Variants in EMP2 observed in about 807,000 individuals in gnomAD.
The protein encoded by EMP2 is epithelial membrane protein 2.
Under a neutral mutation model 13.7 loss-of-function variants are expected in EMP2, and 19 were observed. The observed-to-expected ratio is 1.38, with a 90% CI of 0.97 to 2.03. EMP2 has a LOEUF of 2.03. Among genes scored for constraint, EMP2 ranks in the 30% most tolerant of loss-of-function variants. The pLI is 0.00. For synonymous variants in EMP2, 97 were observed against 84.7 expected (o/e 1.15, Z -0.80); for missense variants, 253 against 220.7 (o/e 1.15, Z -0.93).
At chr16:10,536,590 G>A (rs1316461955) in intron 4 of EMP2, among the ~76,000 whole-genome samples, 1 of 152,190 alleles carries the variant, frequency 6.6e-6, no homozygotes, top group African/African-American at 2.4e-5. Flanking sequence ...ATGTGGAACT[G>A]TAAGTCCATT....
intron 1 of EMP2, among the ~76,000 whole-genome samples, chr16:10,551,228 G>A (rs747030352): frequency 2.0e-5 from 3 of 151,860 alleles, no homozygotes; most frequent in Admixed American, 6.6e-5. Flanking sequence ...ATTTCATATC[G>A]TTGGAATCAT....
intron 1 of EMP2, among the ~76,000 whole-genome samples, chr16:10,549,320 G>A (rs1160018593): frequency 1.3e-5 from 2 of 152,206 alleles, no homozygotes; most frequent in Non-Finnish European, 2.9e-5. Context: ...AAAAGCCACT[G>A]AGGGCATGAA....
chr16:10,574,484 C>A (rs990527047), intron 1 of EMP2, among the ~76,000 whole-genome samples: 1 of 152,174 alleles, frequency 6.6e-6, no homozygotes, highest in African/African-American at 2.4e-5. Context: ...ACACTCAGCA[C>A]TGAAGACAAA....
chr16:10,557,678 T>C (rs2142195314), intron 1 of EMP2, among the ~76,000 whole-genome samples: 1 of 152,274 alleles, frequency 6.6e-6, no homozygotes, highest in East Asian at 1.9e-4. Flanking sequence ...CCAACCTTGA[T>C]TTGATGCATT....
At chr16:10,569,078 G>C (rs989598549) in intron 1 of EMP2, among the ~76,000 whole-genome samples, 6 of 151,984 alleles carry the variant, frequency 3.9e-5, no homozygotes, top group African/African-American at 1.2e-4. Flanking sequence ...GTGAGCCACC[G>C]CGCCCAGCTG....
At chr16:10,540,814 T>C (rs1440770793) in intron 3 of EMP2, among the ~76,000 whole-genome samples, 3 of 152,176 alleles carry the variant, frequency 2.0e-5, no homozygotes, top group Non-Finnish European at 2.9e-5. Context: ...TGTGACATTC[T>C]CTTTAACATA....
intron 1 of EMP2, among the ~76,000 whole-genome samples, chr16:10,560,106 C>T (rs2050861203): frequency 6.6e-6 from 1 of 152,168 alleles, no homozygotes; most frequent in Admixed American, 6.5e-5. Context: ...ATTATCTAGC[C>T]CACTTAAATC....
chr16:10,551,828 C>G (rs1308652150), intron 1 of EMP2, among the ~76,000 whole-genome samples: 1 of 152,182 alleles, frequency 6.6e-6, no homozygotes, highest in Non-Finnish European at 1.5e-5. Context: ...TCCAACCATG[C>G]TCATTCTCAT....
At chr16:10,541,075 G>A (rs1264205722) in intron 3 of EMP2, among the ~76,000 whole-genome samples, 8 of 151,160 alleles carry the variant, frequency 5.3e-5, no homozygotes, top group Non-Finnish European at 7.4e-5. Context: ...GTGACAAAGC[G>A]AGACCCTGAT....
intron 1 of EMP2, among the ~76,000 whole-genome samples, chr16:10,572,424 G>A (rs957167171): frequency 6.6e-6 from 1 of 151,616 alleles, no homozygotes. Flanking sequence ...TCCAGCCTGG[G>A]TGACCCAGCG....
intron 1 of EMP2, among the ~76,000 whole-genome samples, chr16:10,556,533 T>C (rs879937899): frequency 2.0e-5 from 3 of 152,136 alleles, no homozygotes; most frequent in Non-Finnish European, 4.4e-5. Flanking sequence ...CTTCTAACTG[T>C]GGGCAGGACA....
chr16:10,563,141 T>C (rs970259132), intron 1 of EMP2, among the ~76,000 whole-genome samples: 1 of 152,120 alleles, frequency 6.6e-6, no homozygotes, highest in Non-Finnish European at 1.5e-5. Flanking sequence ...TTTCAAGTAA[T>C]CCCCAGGCCC....
Position 10,529,548 on chromosome 16 carries a change from A to T in EMP2, c.*3357T>A, listed in dbSNP as rs190386511. On this transcript the variant is annotated 3_prime_UTR_variant, in exon 5 of 5. Transcript: ENST00000359543. ...CAACACAGATACTCATGTAGCCCCG[A>T]CGTTTCTTGTGAAGGGAATTGATGT... The T allele has an allele frequency of 5.3e-5, 8 of 152,276 alleles. No homozygotes were observed. The highest frequency in any genetic ancestry group is 1.9e-4 in the African/African-American group (8 of 41,560). The allele number at this position is 152,276 out of a possible 1,614,324, so 9.4% of individuals were successfully genotyped here. A position where few individuals can be genotyped will look rare whatever the true frequency, so the allele number is the denominator to read the frequency against.
intron 1 of EMP2, among the ~76,000 whole-genome samples, chr16:10,568,101 T>A (rs1313507132): frequency 1.3e-5 from 2 of 152,060 alleles, no homozygotes; most frequent in Non-Finnish European, 2.9e-5. Flanking sequence ...TTTACAGCAA[T>A]ACCAGGGCTG....
intron 1 of EMP2, among the ~76,000 whole-genome samples, chr16:10,574,269 T>C (rs750770863): frequency 2.0e-5 from 3 of 152,122 alleles, no homozygotes; most frequent in Non-Finnish European, 4.4e-5. Flanking sequence ...TAAAATACTC[T>C]GCAAAATGGC....
At chr16:10,562,559 G>T (rs966922906) in intron 1 of EMP2, among the ~76,000 whole-genome samples, 1 of 152,060 alleles carries the variant, frequency 6.6e-6, no homozygotes, top group African/African-American at 2.4e-5. Context: ...ACATGAATGA[G>T]CCCAGCTGAA....
At chr16:10,542,512 T>C (rs867026995) in intron 3 of EMP2, among the ~76,000 whole-genome samples, 3 of 148,962 alleles carry the variant, frequency 2.0e-5, no homozygotes, top group African/African-American at 7.7e-5. Flanking sequence ...ATTTGGGCCA[T>C]AGTCATACTA....
At position 10,532,912 on chromosome 16, in the gene EMP2, C is replaced by G; in HGVS notation, c.497G>C (p.Arg166Pro). 2.0e-6 allele frequency: 3 copies of G among 1,535,506 alleles called. No individual in the cohort carries two copies. Among genetic ancestry groups the G allele is most frequent in the Non-Finnish European group, 2.6e-6 (3 of 1,136,132 alleles). The change falls in exon 5 of 5, where the codon CGC becomes CCC. Residue 166 changes from arginine (R) to proline (P), a missense_variant. Coordinates refer to ENST00000359543, the MANE Select transcript of EMP2 (RefSeq NM_001424.6). The part of the protein sequence containing the change: ...SGMMYLILRK[R>P]K ...CAACCCAGCTCCGGAACTCTATTTGCGCTTCCTCAGTATCAGGTACATCAT... is the reference window on the plus strand; with the variant it reads ...CAACCCAGCTCCGGAACTCTATTTGGGCTTCCTCAGTATCAGGTACATCAT...
At chr16:10,541,986 T>C (rs1365329919) in intron 3 of EMP2, among the ~76,000 whole-genome samples, 1 of 152,200 alleles carries the variant, frequency 6.6e-6, no homozygotes, top group African/African-American at 2.4e-5. Flanking sequence ...ATATTGTTAC[T>C]GAGTGTGGTG....
Sources: allele counts gnomAD v4.1 joint callset (sites outside exome capture counted in the v4.1 genomes callset), GRCh38; gene constraint gnomAD v4.1.1; transcripts MANE v1.5; gene names NCBI Gene and HGNC (gene_info 2026-07-23, HGNC 2026-07-21).